VAV3: variants seen among roughly 807,000 people sequenced by gnomAD.
VAV3 encodes vav guanine nucleotide exchange factor 3.
VAV3 carries 94 observed loss-of-function variants against 131.2 expected under a neutral mutation model. The ratio of observed to expected loss-of-function variants is 0.72; its 90% confidence interval spans 0.61 to 0.85. The LOEUF is 0.85. Among genes scored for constraint, VAV3 ranks in the 40% least tolerant of loss-of-function variants. The pLI is 0.00. For missense variants in VAV3, 939 were observed against 1,002.7 expected, an observed-to-expected ratio of 0.94 and a Z score of 0.86; for synonymous variants, 349 against 342.0, an observed-to-expected ratio of 1.02 and a Z score of -0.22.
At chr1:107,592,727 G>A (rs772703873) in intron 25 of VAV3, among the ~76,000 whole-genome samples, 15 of 152,088 alleles carry the variant, frequency 9.9e-5, no homozygotes, top group Non-Finnish European at 1.9e-4. Context: ...CATCAGATGA[G>A]AAAGCTAAGG....
At chr1:107,688,447 A>C in intron 17 of VAV3, 41 bp from the exon 18 acceptor site, 1 of 1,612,382 alleles carries the variant, frequency 6.2e-7, no homozygotes, top group Non-Finnish European at 8.5e-7. Flanking sequence ...GTGTAAAGTT[A>C]TTTTGTTTGG....
intron 20 of VAV3, among the ~76,000 whole-genome samples, chr1:107,618,862 G>A (rs1426956470): frequency 6.6e-6 from 1 of 152,194 alleles, no homozygotes; most frequent in African/African-American, 2.4e-5. Flanking sequence ...CAATTTGACA[G>A]TGATAGCTGA....
At chr1:107,778,389 T>G (rs1195966850) in intron 3 of VAV3, among the ~76,000 whole-genome samples, 1 of 142,048 alleles carries the variant, frequency 7.0e-6, no homozygotes, top group African/African-American at 2.6e-5. Flanking sequence ...TACATAAAAA[T>G]TTGATCATGC....
chr1:107,694,128 T>C (rs1000460756), intron 17 of VAV3, among the ~76,000 whole-genome samples: 1 of 152,194 alleles, frequency 6.6e-6, no homozygotes, highest in African/African-American at 2.4e-5. Flanking sequence ...GGGGGTTTGT[T>C]AGTTACCACA....
intron 15 of VAV3, among the ~76,000 whole-genome samples, chr1:107,745,400 G>A (rs1220403791): frequency 4.6e-5 from 7 of 152,062 alleles, no homozygotes; most frequent in African/African-American, 1.7e-4. Context: ...AAAAGCGGGG[G>A]GGAATCCTCC....
At chr1:107,747,553 C>G (rs1334578977) in intron 15 of VAV3, among the ~76,000 whole-genome samples, 1 of 152,096 alleles carries the variant, frequency 6.6e-6, no homozygotes, top group Non-Finnish European at 1.5e-5. Flanking sequence ...ATCCCAAATG[C>G]AATTATTATT....
rs180790283 is a variant in VAV3, at chr1:107,779,325, A to G, written c.380+109T>C. ...ACTTACATACCAGGCACTCTTCATG[A>G]ATGAGACATAGTACCTGTGTGCAAG... is the stretch of plus-strand genomic sequence containing the variant. On this transcript the variant is annotated intron_variant, in intron 3 of 26. Coordinates refer to ENST00000370056, the MANE Select transcript of VAV3 (RefSeq NM_006113.5). 26 of 951,032 alleles carry G rather than the reference A, an allele frequency of 2.7e-5. No individual in the cohort carries two copies. The African/African-American group carries it at 4.5e-4, about 16-fold the overall frequency. The allele number at this position is 951,032 out of a possible 1,614,324, so 58.9% of individuals were successfully genotyped here.
chr1:107,681,937 G>A (rs964879818), intron 19 of VAV3, among the ~76,000 whole-genome samples: 10 of 152,152 alleles, frequency 6.6e-5, no homozygotes, highest in African/African-American at 1.9e-4. Context: ...TGGGATTACA[G>A]GCGTGAGCCA....
At chr1:107,606,453 T>C (rs953771297) in intron 22 of VAV3, among the ~76,000 whole-genome samples, 18 of 152,174 alleles carry the variant, frequency 1.2e-4, no homozygotes, top group Admixed American at 6.5e-5. Flanking sequence ...GTATCTTCAA[T>C]TTGGAGCCAC....
At chr1:107,820,083 A>G (rs1474186914) in intron 2 of VAV3, among the ~76,000 whole-genome samples, 2 of 152,176 alleles carry the variant, frequency 1.3e-5, no homozygotes, top group South Asian at 4.1e-4. Flanking sequence ...TAACTACCAT[A>G]TGATCCAGCA....
intron 19 of VAV3, among the ~76,000 whole-genome samples, chr1:107,675,963 C>A (rs1019296880): frequency 6.6e-6 from 1 of 152,166 alleles, no homozygotes; most frequent in South Asian, 2.1e-4. Context: ...TTCTCCACAT[C>A]AACCATTTTG....
chr1:107,903,246 AG>A (rs1671955585), intron 1 of VAV3, among the ~76,000 whole-genome samples: 1 of 152,232 alleles, frequency 6.6e-6, no homozygotes, highest in Non-Finnish European at 1.5e-5. Context: ...ACCTCCAAAA[AG>A]GATTCAGAGA....
intron 1 of VAV3, among the ~76,000 whole-genome samples, chr1:107,959,286 T>C (rs1368735718): frequency 6.7e-6 from 1 of 149,586 alleles, no homozygotes; most frequent in Non-Finnish European, 1.5e-5. Flanking sequence ...AATTAATTAA[T>C]TAATTAACCC....
At chr1:107,635,690 C>T (rs1654877627) in intron 20 of VAV3, among the ~76,000 whole-genome samples, 1 of 152,198 alleles carries the variant, frequency 6.6e-6, no homozygotes, top group East Asian at 1.9e-4. Context: ...GTGAAAGAAA[C>T]TCACAAAACT....
At chr1:107,924,984 T>C (rs1673082130) in intron 1 of VAV3, among the ~76,000 whole-genome samples, 1 of 152,182 alleles carries the variant, frequency 6.6e-6, no homozygotes, top group South Asian at 2.1e-4. Flanking sequence ...CAAGGCAGTA[T>C]ATTTGTAATA....
rs560893020 is a variant in VAV3 at position 107,596,157 on chromosome 1, T to C, written c.2350+55A>G. 24 of 1,592,646 alleles carry C rather than the reference T, an allele frequency of 1.5e-5. No individual in the cohort carries two copies. In the African/African-American group the frequency reaches 2.7e-4, roughly 18 times the overall value. On this transcript the variant is annotated intron_variant, in intron 25 of 26. Coordinates refer to ENST00000370056, the MANE Select transcript of VAV3 (RefSeq NM_006113.5). ...TTTGGAAGGAAGATGTTTAATGTTA[T>C]TGTGCCCCTAATTTTTAAGTGACAG...
At chr1:107,690,904 T>C (rs1659384220) in intron 17 of VAV3, among the ~76,000 whole-genome samples, 1 of 152,172 alleles carries the variant, frequency 6.6e-6, no homozygotes, top group Admixed American at 6.5e-5. Flanking sequence ...CACTCTGATC[T>C]GATCATGCTG....
At chr1:107,713,979 C>G (rs764146502) in intron 15 of VAV3, among the ~76,000 whole-genome samples, 4 of 152,120 alleles carry the variant, frequency 2.6e-5, no homozygotes, top group Non-Finnish European at 5.9e-5. Flanking sequence ...TGTTCAAATA[C>G]TAGCTCTAGA....
At chr1:107,751,031 T>C (rs1052737238) in intron 13 of VAV3, 86 bp downstream of exon 13, 5 of 1,324,454 alleles carry the variant, frequency 3.8e-6, no homozygotes, top group South Asian at 1.3e-5. Flanking sequence ...TTCCCCCTAC[T>C]TCACACTGGA....
Sources: gnomAD v4.1 joint callset for allele counts (sites outside exome capture counted in the v4.1 genomes callset) on GRCh38, gnomAD v4.1.1 for gene constraint, MANE v1.5 for transcripts, NCBI Gene and HGNC (gene_info 2026-07-23, HGNC 2026-07-21) for gene names.